Variants in GALNT17 observed in about 807,000 individuals in gnomAD.
The protein encoded by GALNT17 is polypeptide N-acetylgalactosaminyltransferase 17, also known as UDP-GalNAc:polypeptide N-acetylgalactosaminyltransferase-like 3.
A neutral mutation model predicts 63.7 loss-of-function variants in GALNT17; 29 were observed. The ratio of observed to expected loss-of-function variants is 0.46; its 90% CI spans 0.34 to 0.62. The LOEUF (loss-of-function observed/expected upper bound fraction) is 0.62. Among genes scored for constraint, GALNT17 ranks in the 20% least tolerant of loss-of-function variants. The pLI is 0.01. For missense variants in GALNT17, 603 were observed against 799.6 expected, an observed-to-expected ratio of 0.75 and a Z score of 2.97; for synonymous variants, 305 against 318.3, an observed-to-expected ratio of 0.96 and a Z score of 0.45.
intron 6 of GALNT17, among the ~76,000 whole-genome samples, chr7:71,587,838 T>G (rs942749977): frequency 1.3e-5 from 2 of 152,164 alleles, no homozygotes; most frequent in African/African-American, 4.8e-5. Flanking sequence ...TGCCTGTAAC[T>G]GATGAAGGAA....
At chr7:71,371,863 T>C (rs1487150559) in intron 2 of GALNT17, among the ~76,000 whole-genome samples, 2 of 152,234 alleles carry the variant, frequency 1.3e-5, no homozygotes, top group East Asian at 1.9e-4. Context: ...TGGTTTGTGG[T>C]ACCTTCTAGG....
intron 5 of GALNT17, among the ~76,000 whole-genome samples, chr7:71,570,403 G>T (rs549902098): frequency 6.6e-6 from 1 of 152,150 alleles, no homozygotes; most frequent in Admixed American, 6.5e-5. Context: ...CCAGCATAAC[G>T]TGGAAATTGG....
At chr7:71,549,931 A>G (rs1789048545) in intron 5 of GALNT17, among the ~76,000 whole-genome samples, 1 of 151,538 alleles carries the variant, frequency 6.6e-6, no homozygotes, top group South Asian at 2.1e-4. Flanking sequence ...TGCTCAAGTA[A>G]TAACCATGTT....
intron 1 of GALNT17, among the ~76,000 whole-genome samples, chr7:71,137,270 G>T (rs972702190): frequency 6.6e-6 from 1 of 151,710 alleles, no homozygotes; most frequent in Non-Finnish European, 1.5e-5. Flanking sequence ...CTCCCGAGTA[G>T]CTGGGACTAC....
In GALNT17 at chr7:71,537,831, A is replaced by G. The variant is rs376103319; in HGVS notation, c.963-33454A>G. Among the ~76,000 whole-genome samples the G allele has an allele frequency of 4.7e-4, 71 of 152,228 alleles. No homozygotes were observed. In the South Asian group the frequency reaches 0.011, roughly 24 times the overall value. ...CTGTCTCAAAAAAACGAAAACAAAA[A>G]CAAAAAGTTGAAGAGAAAAAGACAC... On this transcript the variant is annotated intron_variant, in intron 5 of 10. Transcript: ENST00000333538.
rs116159889 is a variant in GALNT17, at chr7:71,687,363, C to T, written c.1500+10057C>T. Among the ~76,000 whole-genome samples the T allele has an allele frequency of 7.2e-3, 1,096 of 152,298 alleles. 11 individuals carry two copies. The highest frequency in any genetic ancestry group is 0.025 in the African/African-American group (1,022 of 41,574). On this transcript the variant is annotated intron_variant, in intron 9 of 10. Coordinates refer to ENST00000333538, the MANE Select transcript of GALNT17 (RefSeq NM_022479.3). ...CAATAAGGCACCCGTGCCCTGCTGGCGTGACGGGGCTCTGGCGAGCTATTA... is the reference window on the plus strand; with the variant it reads ...CAATAAGGCACCCGTGCCCTGCTGGTGTGACGGGGCTCTGGCGAGCTATTA...
chr7:71,283,659 TG>T (rs530464093), intron 1 of GALNT17, among the ~76,000 whole-genome samples: 18 of 152,228 alleles, frequency 1.2e-4, no homozygotes, highest in Non-Finnish European at 2.2e-4. Context: ...AGGGACCTGG[TG>T]GGAGGTAATT....
In GALNT17 at chr7:71,374,512, G is replaced by A. The variant is rs796486768; in HGVS notation, c.423-13723G>A. The stretch of plus-strand genomic sequence containing the variant: ...CCTCGTGAGGCTCACGCTTGGAGCT[G>A]GTACGTAGCTCTTCACCTGGTCAAA... On this transcript the variant is annotated intron_variant, in intron 2 of 10. Coordinates refer to ENST00000333538, the MANE Select transcript of GALNT17 (RefSeq NM_022479.3). 1.5e-4 allele frequency among the ~76,000 whole-genome samples: 23 copies of A among 152,324 alleles called. 1 individual carries two copies. Among genetic ancestry groups the A allele is most frequent in the African/African-American group, 5.3e-4 (22 of 41,576 alleles).
chr7:71,603,322 G>A (rs1215439785), intron 6 of GALNT17, among the ~76,000 whole-genome samples: 1 of 150,418 alleles, frequency 6.6e-6, no homozygotes, highest in East Asian at 2.0e-4. Flanking sequence ...TACTATGCTA[G>A]TGCATATACC....
intron 5 of GALNT17, among the ~76,000 whole-genome samples, chr7:71,528,271 A>C (rs2116771784): frequency 6.6e-6 from 1 of 152,220 alleles, no homozygotes; most frequent in East Asian, 1.9e-4. Flanking sequence ...TTTATCTTCC[A>C]CTGTGATGTC....
At chr7:71,192,066 G>A (rs1257785030) in intron 1 of GALNT17, among the ~76,000 whole-genome samples, 1 of 152,170 alleles carries the variant, frequency 6.6e-6, no homozygotes, top group African/African-American at 2.4e-5. Context: ...AATCACTGGG[G>A]TAAGTCCAAG....
chr7:71,709,579 T>G (rs566882204), intron 9 of GALNT17, among the ~76,000 whole-genome samples: 131 of 26,590 alleles, frequency 4.9e-3, no homozygotes, highest in African/African-American at 8.5e-3. Flanking sequence ...AGTTTTTGGG[T>G]TTTTTTTTTT....
chr7:71,446,950 T>G (rs1282567893), intron 5 of GALNT17, among the ~76,000 whole-genome samples: 1 of 152,214 alleles, frequency 6.6e-6, no homozygotes, highest in Non-Finnish European at 1.5e-5. Flanking sequence ...TTCTTGACTT[T>G]GACTATGGGA....
chr7:71,659,432 G>T (rs766916614), intron 6 of GALNT17, among the ~76,000 whole-genome samples: 2 of 152,120 alleles, frequency 1.3e-5, no homozygotes, highest in Admixed American at 6.5e-5. Context: ...GTTGTCTTGG[G>T]GGTGTACAGT....
intron 2 of GALNT17, among the ~76,000 whole-genome samples, chr7:71,383,785 G>A (rs1383564413): frequency 6.6e-6 from 1 of 152,100 alleles, no homozygotes; most frequent in Non-Finnish European, 1.5e-5. Flanking sequence ...GTGGTTGGTT[G>A]AATATGAAAA....
chr7:71,455,496 TTTTG>T (rs1787338185), intron 5 of GALNT17, among the ~76,000 whole-genome samples: 1 of 76,682 alleles, frequency 1.3e-5, no homozygotes, highest in South Asian at 3.1e-4. Context: ...TTGTTTTGTT[TTTTG>T]TTTTTGTTTT....
intron 5 of GALNT17, among the ~76,000 whole-genome samples, chr7:71,455,665 C>T (rs1015593395): frequency 3.3e-5 from 5 of 152,170 alleles, no homozygotes; most frequent in Non-Finnish European, 5.9e-5. Context: ...AGGCAGCTCT[C>T]TCTCATGCTC....
intron 1 of GALNT17, among the ~76,000 whole-genome samples, chr7:71,201,257 A>ATATATATATAT (rs10526171): frequency 5.4e-5 from 8 of 148,264 alleles, no homozygotes; most frequent in African/African-American, 1.0e-4. Flanking sequence ...ATATATATAT[A>ATATATATATAT]ATTTGTGTGT....
At chr7:71,710,969 C>T (rs1316123657) in intron 10 of GALNT17, 41 bp downstream of exon 10, 5 of 1,599,914 alleles carry the variant, frequency 3.1e-6, no homozygotes, top group South Asian at 1.1e-5. Flanking sequence ...AGAGTAGCTG[C>T]AAGAGGCTGC....
Sources: gnomAD v4.1 joint callset for allele counts (sites outside exome capture counted in the v4.1 genomes callset) on GRCh38, gnomAD v4.1.1 for gene constraint, MANE v1.5 for transcripts, NCBI Gene and HGNC (gene_info 2026-07-23, HGNC 2026-07-21) for gene names.